The following CADM2 variants were observed in gnomAD, a reference collection of about 807,000 sequenced individuals.
CADM2 encodes the protein immunoglobulin superfamily member 4D.
Under a neutral mutation model 49.8 loss-of-function variants are expected in CADM2, and 12 were observed. That is an observed-to-expected ratio of 0.24 (90% CI 0.15 to 0.39). CADM2 has a LOEUF of 0.39. CADM2 is among the 10% of genes least tolerant of loss of function. CADM2 has a pLI of 1.00. For synonymous variants in CADM2, 214 were observed against 175.4 expected, an observed-to-expected ratio of 1.22 and a Z score of -1.74; for missense variants, 378 against 492.3, an observed-to-expected ratio of 0.77 and a Z score of 2.20.
chr3:85,715,429 A>G (rs921981246), intron 1 of CADM2, among the ~76,000 whole-genome samples: 2 of 152,248 alleles, frequency 1.3e-5, no homozygotes, highest in African/African-American at 2.4e-5. Flanking sequence ...ACTAATTAGA[A>G]CAAAACATTA....
At chr3:85,625,113 A>G (rs2064087228) in intron 1 of CADM2, among the ~76,000 whole-genome samples, 1 of 152,038 alleles carries the variant, frequency 6.6e-6, no homozygotes, top group Non-Finnish European at 1.5e-5. Flanking sequence ...AGCTAATACT[A>G]CCCCTGTGAC....
chr3:85,961,101 C>A (rs1212008523), intron 7 of CADM2, among the ~76,000 whole-genome samples: 1 of 147,550 alleles, frequency 6.8e-6, no homozygotes, highest in Non-Finnish European at 1.5e-5. Flanking sequence ...TTACTTATAT[C>A]CAAATACATC....
At chr3:85,463,070 A>G (rs2107593574) in intron 1 of CADM2, among the ~76,000 whole-genome samples, 1 of 152,250 alleles carries the variant, frequency 6.6e-6, no homozygotes, top group Non-Finnish European at 1.5e-5. Flanking sequence ...TTTAAGCCAT[A>G]TGACCGCTTA....
chr3:85,774,318 C>T (rs1273364778), intron 2 of CADM2, among the ~76,000 whole-genome samples: 1 of 151,626 alleles, frequency 6.6e-6, no homozygotes, highest in East Asian at 1.9e-4. Flanking sequence ...ATATTTTATG[C>T]AGTATTATTT....
chr3:85,368,620 C>A (rs892248715), intron 1 of CADM2, among the ~76,000 whole-genome samples: 4 of 151,308 alleles, frequency 2.6e-5, no homozygotes, highest in Non-Finnish European at 4.4e-5. Flanking sequence ...GATTTATTTA[C>A]CCTTCTTCAC....
chr3:85,763,860 T>C (rs1196104717), intron 2 of CADM2, among the ~76,000 whole-genome samples: 1 of 152,180 alleles, frequency 6.6e-6, no homozygotes, highest in Non-Finnish European at 1.5e-5. Flanking sequence ...CCATACCCTC[T>C]TTACTGATAT....
chr3:84,982,702 C>CATATGTGTATAT (rs1177661723), intron 1 of CADM2, among the ~76,000 whole-genome samples: 1 of 76,330 alleles, frequency 1.3e-5, no homozygotes, highest in Non-Finnish European at 2.4e-5. Context: ...AACTATAAAG[C>CATATGTGTATAT]ATATATATAT....
At chr3:85,495,077 A>G (rs920289859) in intron 1 of CADM2, among the ~76,000 whole-genome samples, 6 of 152,324 alleles carry the variant, frequency 3.9e-5, no homozygotes, top group African/African-American at 1.2e-4. Flanking sequence ...ATAGTGGCAC[A>G]TTTCGCAATC....
chr3:85,371,677 G>GTGTA lies in CADM2; in HGVS notation c.62-354844_62-354843insGTAT, dbSNP rs1251505613. Among the ~76,000 whole-genome samples, 473 of 95,112 alleles carry GTGTA rather than the reference G, an allele frequency of 5.0e-3. 6 individuals carry two copies. Among genetic ancestry groups the GTGTA allele is most frequent in the African/African-American group, 0.011 (244 of 22,518 alleles). The allele number at this position is 95,112 out of a possible 152,430, so 62.4% of individuals were successfully genotyped here. On this transcript the variant is annotated intron_variant, in intron 1 of 9. Coordinates refer to ENST00000383699, the MANE Select transcript of CADM2 (RefSeq NM_001167675.2). ...TATATATATATGTGTGTGTGTGTGT[G>GTGTA]TATATATATATATATATATATATAT...
At chr3:85,126,491 C>T (rs77559079) in intron 1 of CADM2, among the ~76,000 whole-genome samples, 9,244 of 152,074 alleles carry the variant, frequency 0.061, 940 homozygotes, top group African/African-American at 0.21. Flanking sequence ...GAAACATTTT[C>T]TTTTGCAAAG....
At chr3:85,156,124 A>C (rs1307563727) in intron 1 of CADM2, among the ~76,000 whole-genome samples, 1 of 152,180 alleles carries the variant, frequency 6.6e-6, no homozygotes, top group Admixed American at 6.5e-5. Flanking sequence ...AACTAAAATC[A>C]GAGCAGAACT....
chr3:85,777,518 G>A (rs1577288902), intron 2 of CADM2, among the ~76,000 whole-genome samples: 1 of 152,056 alleles, frequency 6.6e-6, no homozygotes, highest in Non-Finnish European at 1.5e-5. Context: ...GGCTCCCAAA[G>A]TGCTGGGATT....
At chr3:85,545,149 T>G (rs376625255) in intron 1 of CADM2, among the ~76,000 whole-genome samples, 39 of 152,290 alleles carry the variant, frequency 2.6e-4, no homozygotes, top group African/African-American at 8.9e-4. Flanking sequence ...GGACTAATAA[T>G]TTTTTGAAGT....
In CADM2 at chr3:86,068,229, T is replaced by A. The variant is rs1207148789; in HGVS notation, c.*1446T>A. 1.3e-5 allele frequency: 2 copies of A among 152,416 alleles called. No homozygotes were observed. Among genetic ancestry groups the A allele is most frequent in the African/African-American group, 2.4e-5 (1 of 41,436 alleles). 9.4% of individuals were successfully genotyped at this position (152,416 alleles called of 1,614,324 possible). On this transcript the variant is annotated 3_prime_UTR_variant, in exon 10 of 10. Coordinates refer to ENST00000383699, the MANE Select transcript of CADM2 (RefSeq NM_001167675.2). ...GAAAGTCTCTTTCTCTGGATTATTT[T>A]AAAATTTTGGCGTGTTTAACCATTA... is the stretch of plus-strand genomic sequence containing the variant.
At chr3:85,753,318 G>A (rs1425861289) in intron 2 of CADM2, among the ~76,000 whole-genome samples, 1 of 152,028 alleles carries the variant, frequency 6.6e-6, no homozygotes, top group African/African-American at 2.4e-5. Context: ...AAAGAAGAAA[G>A]AGGAAGGGGA....
At chr3:85,425,892 T>C (rs2036379925) in intron 1 of CADM2, among the ~76,000 whole-genome samples, 1 of 152,192 alleles carries the variant, frequency 6.6e-6, no homozygotes, top group Admixed American at 6.5e-5. Flanking sequence ...TGTGGAGGTC[T>C]AAAGGGCAGG....
At chr3:85,829,561 C>A (rs11920096) in intron 3 of CADM2, among the ~76,000 whole-genome samples, 27,900 of 151,764 alleles carry the variant, frequency 0.18, 3,189 homozygotes, top group African/African-American at 0.33. Context: ...GTAATGATTA[C>A]CACAATCAAA....
intron 1 of CADM2, among the ~76,000 whole-genome samples, chr3:85,469,668 T>C (rs765006064): frequency 6.6e-5 from 10 of 152,078 alleles, no homozygotes; most frequent in Non-Finnish European, 8.8e-5. Context: ...CTGAAGTGCT[T>C]GATGAGAGAG....
rs184081883 is a variant in CADM2 at position 85,727,455 on chromosome 3, A to T, written c.88+907A>T. 3.8e-3 allele frequency among the ~76,000 whole-genome samples: 573 copies of T among 152,218 alleles called. 5 individuals are homozygous for T. Among genetic ancestry groups the T allele is most frequent in the African/African-American group, 0.012 (498 of 41,552 alleles). Reference sequence around the variant, plus strand: ...ATTTAAAGGAGGAGATGGCAAATTTATTGTCACCTTTCTTATAGCTCACCT... The same window carrying T: ...ATTTAAAGGAGGAGATGGCAAATTTTTTGTCACCTTTCTTATAGCTCACCT... On this transcript the variant is annotated intron_variant, in intron 2 of 9. Transcript: ENST00000383699.
Sources: allele counts gnomAD v4.1 joint callset (sites outside exome capture counted in the v4.1 genomes callset), GRCh38; gene constraint gnomAD v4.1.1; transcripts MANE v1.5; gene names NCBI Gene and HGNC (gene_info 2026-07-23, HGNC 2026-07-21).